Variants in CMSS1 observed in about 807,000 individuals in gnomAD.
CMSS1 encodes protein CMSS1.
Under a neutral mutation model 43.5 loss-of-function variants are expected in CMSS1, and 33 were observed. The ratio of observed to expected loss-of-function variants is 0.76; its 90% CI spans 0.57 to 1.01. The LOEUF (loss-of-function observed/expected upper bound fraction) is 1.01. CMSS1 is among the 50% of genes least tolerant of loss of function. The probability of loss-of-function intolerance (pLI) is 0.00; values close to 1 mark genes in which losing one functional copy is unlikely to be tolerated. For synonymous variants in CMSS1, 115 were observed against 117.2 expected (o/e 0.98, Z 0.12); for missense variants, 313 against 326.4 (o/e 0.96, Z 0.32).
chr3:100,162,331 C>T lies in CMSS1; in HGVS notation c.254C>T (p.Ser85Leu). 3 of 1,611,866 alleles carry T rather than the reference C, an allele frequency of 1.9e-6. No individual in the cohort carries two copies. Among genetic ancestry groups the T allele is most frequent in the Non-Finnish European group, 2.5e-6 (3 of 1,179,034 alleles). Residue 85 changes from serine to leucine, a missense_variant, in exon 4 of 10, where the codon TCA (serine) becomes TTA (leucine). Transcript: ENST00000421999. ...KKKITDVLAKSEPKPGLPEDL... is the reference protein window; with the variant it reads ...KKKITDVLAKLEPKPGLPEDL... ...AAAATTACTGATGTTCTTGCAAAAT[C>T]AGAACCAAAACCAGGGTTACCTGAA...
chr3:99,907,619 A>G (rs1706661773), intron 1 of CMSS1, among the ~76,000 whole-genome samples: 1 of 152,068 alleles, frequency 6.6e-6, no homozygotes, highest in African/African-American at 2.4e-5. Context: ...CTGTTTTTTC[A>G]CATTATGTGT....
At chr3:99,941,778 T>G (rs887095481) in intron 1 of CMSS1, among the ~76,000 whole-genome samples, 3 of 152,142 alleles carry the variant, frequency 2.0e-5, no homozygotes, top group African/African-American at 7.2e-5. Context: ...AGTTAAAAAA[T>G]TTGGAAAAAA....
intron 1 of CMSS1, among the ~76,000 whole-genome samples, chr3:100,146,647 A>G (rs1042285960): frequency 3.3e-5 from 5 of 152,236 alleles, no homozygotes; most frequent in African/African-American, 1.2e-4. Flanking sequence ...TATTATCATC[A>G]TAAGACAGCC....
intron 1 of CMSS1, among the ~76,000 whole-genome samples, chr3:100,011,103 A>T (rs1710143039): frequency 6.6e-6 from 1 of 152,132 alleles, no homozygotes; most frequent in Non-Finnish European, 1.5e-5. Flanking sequence ...GAAGCTTCTG[A>T]TATTAAGCAC....
In CMSS1 at chr3:100,037,971, CAG is replaced by C. The variant is rs1285342336; in HGVS notation, c.65-108999_65-108998del. Among the ~76,000 whole-genome samples the C allele has an allele frequency of 1.1e-4, 13 of 116,832 alleles. No individual in the cohort carries two copies. In the East Asian group the frequency reaches 1.4e-3, roughly 12 times the overall value. The allele number at this position is 116,832 out of a possible 152,430, so 76.6% of individuals were successfully genotyped here. A position where few individuals can be genotyped will look rare whatever the true frequency, so the allele number is the denominator to read the frequency against. ...TTTTTTTTTTTGGGGGGGGAGGGAA[CAG>C]AGTCTCAAATCTCGCTCTGTCGCCC... On this transcript the variant is annotated intron_variant, in intron 1 of 9. Coordinates refer to ENST00000421999, the MANE Select transcript of CMSS1 (RefSeq NM_032359.4).
chr3:99,977,188 G>T (rs998148917), intron 1 of CMSS1, among the ~76,000 whole-genome samples: 1 of 152,204 alleles, frequency 6.6e-6, no homozygotes, highest in African/African-American at 2.4e-5. Flanking sequence ...GAGGCATAAG[G>T]CTGGAGGAAC....
intron 2 of CMSS1, among the ~76,000 whole-genome samples, chr3:100,147,825 G>A (rs1439321214): frequency 2.6e-5 from 4 of 152,128 alleles, no homozygotes; most frequent in Non-Finnish European, 4.4e-5. Flanking sequence ...CAGGTGATTC[G>A]TGGTCTTTGC....
At chr3:100,004,173 T>C (rs548110461) in intron 1 of CMSS1, among the ~76,000 whole-genome samples, 3 of 151,974 alleles carry the variant, frequency 2.0e-5, no homozygotes, top group South Asian at 2.1e-4. Context: ...AAATTGAGGG[T>C]TTTTTCCCCC....
intron 1 of CMSS1, among the ~76,000 whole-genome samples, chr3:99,953,018 T>A (rs1708222517): frequency 6.6e-6 from 1 of 152,204 alleles, no homozygotes; most frequent in Non-Finnish European, 1.5e-5. Context: ...GATTTTCTCA[T>A]GACTGTTCCT....
rs190648050 is a variant in CMSS1 at position 100,170,195 on chromosome 3, C to T, written c.519-1644C>T. 1.6e-4 allele frequency among the ~76,000 whole-genome samples: 25 copies of T among 152,274 alleles called. No individual in the cohort carries two copies. The East Asian group carries it at 4.6e-3, about 28-fold the overall frequency. On this transcript the variant is annotated intron_variant, in intron 6 of 9. Transcript: ENST00000421999. ...TAAGTAAAAACTTGAGGCAACAGAA[C>T]TTGTATAGCATGATTCACTATTTTG...
chr3:99,914,202 G>A (rs1706881184), intron 1 of CMSS1, among the ~76,000 whole-genome samples: 1 of 152,192 alleles, frequency 6.6e-6, no homozygotes, highest in African/African-American at 2.4e-5. Context: ...AGGTAAGCCA[G>A]GATCCTGGAT....
At chr3:100,102,125 G>A (rs562584809) in intron 1 of CMSS1, among the ~76,000 whole-genome samples, 94 of 152,146 alleles carry the variant, frequency 6.2e-4, no homozygotes, top group South Asian at 1.7e-3. Flanking sequence ...TAATCCTTTG[G>A]GTATATACCC....
In CMSS1 at chr3:99,914,282, G is replaced by C. The variant is rs186353367; in HGVS notation, c.64+96239G>C. On this transcript the variant is annotated intron_variant, in intron 1 of 9. Coordinates refer to ENST00000421999, the MANE Select transcript of CMSS1 (RefSeq NM_032359.4). ...CAGACATTTCAGAGAATGAGCAATG[G>C]AAGTTTTTTTATTTTTGGAAGACCA... Among the ~76,000 whole-genome samples the C allele has an allele frequency of 2.0e-4, 31 of 152,264 alleles. No homozygotes were observed. The East Asian group carries it at 4.6e-3, about 23-fold the overall frequency.
intron 1 of CMSS1, among the ~76,000 whole-genome samples, chr3:99,832,722 T>C (rs1942724029): frequency 1.6e-5 from 1 of 62,418 alleles, no homozygotes; most frequent in South Asian, 4.8e-4. Context: ...ACTCCTGTAA[T>C]CCCAGCTACT....
intron 1 of CMSS1, chr3:99,851,002 A>G: frequency 6.2e-7 from 1 of 1,612,958 alleles, no homozygotes; most frequent in Non-Finnish European, 8.5e-7. Flanking sequence ...CAGGGTGGTG[A>G]CCCTTTTCTC....
chr3:99,820,282 C>T (rs1221319474), intron 1 of CMSS1, among the ~76,000 whole-genome samples: 1 of 150,276 alleles, frequency 6.7e-6, no homozygotes. Context: ...CTGCAACCTC[C>T]ACCTCCTGGG....
chr3:99,835,761 A>C (rs1480663169), intron 1 of CMSS1, among the ~76,000 whole-genome samples: 1 of 152,214 alleles, frequency 6.6e-6, no homozygotes, highest in Non-Finnish European at 1.5e-5. Context: ...AATAATTATG[A>C]GGTAGAATGA....
chr3:99,848,296 G>A (rs762088031), intron 1 of CMSS1: 1 of 1,613,906 alleles, frequency 6.2e-7, no homozygotes, highest in Admixed American at 1.7e-5. Flanking sequence ...ATTACTTACT[G>A]TAATTTGTGA....
chr3:100,024,104 C>G (rs545375732), intron 1 of CMSS1, among the ~76,000 whole-genome samples: 2 of 152,164 alleles, frequency 1.3e-5, no homozygotes, highest in African/African-American at 4.8e-5. Context: ...ATCTTCCACA[C>G]TCCGTCTTCA....
Sources: gnomAD v4.1 joint callset for allele counts (sites outside exome capture counted in the v4.1 genomes callset) on GRCh38, gnomAD v4.1.1 for gene constraint, MANE v1.5 for transcripts, NCBI Gene and HGNC (gene_info 2026-07-23, HGNC 2026-07-21) for gene names.